Variants in LSP1 observed in about 807,000 individuals in gnomAD.
LSP1 encodes lymphocyte specific protein 1, also known as lymphocyte-specific protein 1.
LSP1 carries 32 observed loss-of-function variants against 49.3 expected under a neutral mutation model. The observed-to-expected ratio is 0.65, with a 90% CI of 0.49 to 0.87. The LOEUF (loss-of-function observed/expected upper bound fraction) is 0.87, where lower values mean the gene tolerates loss of function less well. Among genes scored for constraint, LSP1 ranks in the 40% least tolerant of loss-of-function variants. The pLI is 0.00. For missense variants in LSP1, 428 were observed against 442.6 expected, an observed-to-expected ratio of 0.97 and a Z score of 0.30; for synonymous variants, 179 against 178.8, an observed-to-expected ratio of 1.00 and a Z score of -0.01.
At position 1,884,391 on chromosome 11, in the gene LSP1, A is replaced by C; in HGVS notation, c.635+68A>C. 1 of 1,610,934 alleles carries C rather than the reference A, an allele frequency of 6.2e-7. No homozygotes were observed. The highest frequency in any genetic ancestry group is 1.7e-5 in the Admixed American group (1 of 59,964). On this transcript the variant is annotated intron_variant, in intron 6 of 10. Coordinates refer to ENST00000311604, the MANE Select transcript of LSP1 (RefSeq NM_002339.3). This position sits in a 1 kb window ranked among gnomAD's most constrained non-coding sequence, Gnocchi z 4.1. ...GTTTAACCAAGTGGGGGTTGAAGGG[A>C]GTCACAAGGTAGAGATCTGGAGACC...
chr11:1,887,551 C>T lies in LSP1; in HGVS notation c.1008C>T (p.Gly336=). ...GKYEKVLVEG[G]PAP ...ATGAGAAGGTGCTTGTGGAAGGGGG[C>T]CCGGCTCCCTAGGCGTCCCATCTCG... Residue 336 remains glycine, a synonymous_variant, in exon 10 of 11, where the codon GGC becomes GGT. Coordinates refer to ENST00000311604, the MANE Select transcript of LSP1 (RefSeq NM_002339.3). 6.2e-7 allele frequency: 1 copy of T among 1,613,706 alleles called. No individual in the cohort carries two copies. Among genetic ancestry groups the T allele is most frequent in the Non-Finnish European group, 8.5e-7 (1 of 1,179,892 alleles).
At chr11:1,874,124 C>T (rs1459494478) in intron 1 of LSP1, among the ~76,000 whole-genome samples, 1 of 122,006 alleles carries the variant, frequency 8.2e-6, no homozygotes, top group Non-Finnish European at 1.7e-5. Flanking sequence ...AGGCTGGGGA[C>T]AGTGGGGGCA....
At chr11:1,883,594 C>G (rs754334938) in intron 4 of LSP1, 34 bp downstream of exon 4, 10 of 1,576,716 alleles carry the variant, frequency 6.3e-6, no homozygotes, top group African/African-American at 1.3e-5. Context: ...CTGGGTGTAC[C>G]CCCACCCCAG....
chr11:1,890,607 G>C (rs1259450045), intron 10 of LSP1: 2 of 697,878 alleles, frequency 2.9e-6, no homozygotes, highest in Admixed American at 2.0e-5. Flanking sequence ...GGGTGGGAGG[G>C]ACAGTGGTCA....
intron 1 of LSP1, among the ~76,000 whole-genome samples, chr11:1,858,437 C>A (rs1312144011): frequency 2.0e-5 from 3 of 152,256 alleles, no homozygotes; most frequent in Non-Finnish European, 4.4e-5. Context: ...GCTGCAGGAC[C>A]AGCAAGGTCC....
chr11:1,876,457 G>C, intron 1 of LSP1: 5 of 985,666 alleles, frequency 5.1e-6, no homozygotes, highest in Non-Finnish European at 6.0e-6. Flanking sequence ...CATCCTCCCC[G>C]CAGCCCTTGC....
chr11:1,868,649 G>A (rs1247438707), intron 1 of LSP1: 29 of 985,630 alleles, frequency 2.9e-5, no homozygotes, highest in Non-Finnish European at 3.5e-5. Flanking sequence ...AGATCCTGAG[G>A]GTGGGGTAGC....
intron 1 of LSP1, among the ~76,000 whole-genome samples, chr11:1,874,274 G>A (rs1384168309): frequency 1.0e-5 from 1 of 97,764 alleles, no homozygotes; most frequent in Non-Finnish European, 2.1e-5. Flanking sequence ...GACAGTGGGG[G>A]CAGGCCGGGG....
At chr11:1,864,103 G>C (rs1847713117) in intron 1 of LSP1, 1 of 835,136 alleles carries the variant, frequency 1.2e-6, no homozygotes, top group Non-Finnish European at 1.4e-6. Context: ...AGGAGGGAAG[G>C]AGGGAGGGAG....
intron 7 of LSP1, among the ~76,000 whole-genome samples, chr11:1,886,169 T>C (rs1202410564): frequency 6.6e-6 from 1 of 152,008 alleles, no homozygotes; most frequent in Non-Finnish European, 1.5e-5. Flanking sequence ...ATCCAACCAA[T>C]ACTCCTTTAT....
chr11:1,871,230 G>C (rs1181042295), intron 1 of LSP1: 10 of 986,378 alleles, frequency 1.0e-5, no homozygotes, highest in South Asian at 4.7e-5. Flanking sequence ...GAGCAGGCAC[G>C]GGGCAGGCAG....
chr11:1,856,287 T>C (rs1340724455), intron 1 of LSP1, among the ~76,000 whole-genome samples: 2 of 152,196 alleles, frequency 1.3e-5, no homozygotes, highest in Non-Finnish European at 2.9e-5. Context: ...GCAAACTCCA[T>C]GCCCCTGGGT....
At chr11:1,865,570 G>A (rs575120194) in intron 1 of LSP1, among the ~76,000 whole-genome samples, 5 of 140,706 alleles carry the variant, frequency 3.6e-5, no homozygotes, top group South Asian at 3.0e-4. Flanking sequence ...ACTGTCACCC[G>A]CTCACACCGT....
chr11:1,880,365 T>G, intron 2 of LSP1, 141 bp downstream of exon 2: 1 of 1,062,008 alleles, frequency 9.4e-7, no homozygotes, highest in South Asian at 1.9e-5. Flanking sequence ...GGAGCAGGCG[T>G]GGGAGTGGGT....
At chr11:1,868,321 G>C (rs1380183428) in intron 1 of LSP1, among the ~76,000 whole-genome samples, 1 of 152,224 alleles carries the variant, frequency 6.6e-6, no homozygotes, top group Non-Finnish European at 1.5e-5. Context: ...GGTCCCCGGA[G>C]CCCCGTGCCC....
At chr11:1,890,597 GGGTGGGAGGGACAGT>G in intron 10 of LSP1, 1 of 701,430 alleles carries the variant, frequency 1.4e-6, no homozygotes, top group Non-Finnish European at 2.6e-6. Context: ...CTGTGTCCTA[GGGTGGGAGGGACAGT>G]GGTCAGGCCA....
intron 10 of LSP1, chr11:1,889,377 G>T (rs1209504094): frequency 5.7e-6 from 4 of 706,502 alleles, no homozygotes; most frequent in Non-Finnish European, 1.1e-5. Context: ...GTACAGCACG[G>T]CATCCCACAT....
At chr11:1,881,723 CGCGGAG>C (rs1848555775) in intron 3 of LSP1, 127 bp downstream of exon 3, 296 of 1,101,122 alleles carry the variant, frequency 2.7e-4, no homozygotes, top group South Asian at 1.3e-3. Flanking sequence ...AGCAGGGCAC[CGCGGAG>C]CTCCCTTCAG....
intron 1 of LSP1, among the ~76,000 whole-genome samples, chr11:1,877,837 G>A (rs1462955962): frequency 2.0e-5 from 3 of 151,866 alleles, no homozygotes; most frequent in East Asian, 3.9e-4. Flanking sequence ...GGAGTCCTGC[G>A]CCCGGCCGCA....
Sources: gnomAD v4.1 joint callset for allele counts (sites outside exome capture counted in the v4.1 genomes callset) on GRCh38, gnomAD v4.1.1 for gene constraint, Gnocchi (gnomAD v3.1) non-coding constraint, MANE v1.5 for transcripts, NCBI Gene and HGNC (gene_info 2026-07-23, HGNC 2026-07-21) for gene names.